The following PRKCA variants were observed in gnomAD, a reference collection of about 807,000 sequenced individuals.
PRKCA encodes protein kinase C alpha type.
PRKCA carries 27 observed loss-of-function variants against 87.0 expected under a neutral mutation model. The observed-to-expected ratio is 0.31, with a 90% CI of 0.23 to 0.43. The LOEUF is 0.43. Among genes scored for constraint, PRKCA ranks in the 20% least tolerant of loss-of-function variants. The pLI is 1.00. For missense variants in PRKCA, 518 were observed against 852.3 expected (o/e 0.61, Z 4.88); for synonymous variants, 329 against 311.1 (o/e 1.06, Z -0.61).
intron 3 of PRKCA, among the ~76,000 whole-genome samples, chr17:66,571,543 T>C (rs905012768): frequency 1.3e-5 from 2 of 152,178 alleles, no homozygotes; most frequent in African/African-American, 2.4e-5. Flanking sequence ...GTCAAATTAA[T>C]TGGTCAGAAG....
intron 3 of PRKCA, among the ~76,000 whole-genome samples, chr17:66,626,799 G>A (rs768540472): frequency 1.3e-5 from 2 of 152,264 alleles, no homozygotes; most frequent in Non-Finnish European, 2.9e-5. Flanking sequence ...GAGCCATCGC[G>A]CCCTGCCATT....
chr17:66,407,886 A>T (rs1056423282), intron 2 of PRKCA, among the ~76,000 whole-genome samples: 1 of 152,228 alleles, frequency 6.6e-6, no homozygotes, highest in African/African-American at 2.4e-5. Context: ...TAACATAGGT[A>T]TAGATTTTTA....
intron 3 of PRKCA, among the ~76,000 whole-genome samples, chr17:66,526,817 A>G (rs1164650919): frequency 6.6e-6 from 1 of 152,222 alleles, no homozygotes; most frequent in African/African-American, 2.4e-5. Flanking sequence ...ACTCCTAAGA[A>G]GAGCCAAGAC....
chr17:66,487,779 T>G (rs989062391), intron 2 of PRKCA, among the ~76,000 whole-genome samples: 2 of 152,302 alleles, frequency 1.3e-5, no homozygotes, highest in South Asian at 2.1e-4. Flanking sequence ...GTGATGAACA[T>G]TTTTTCTCCT....
At chr17:66,714,895 G>C (rs1305860928) in intron 8 of PRKCA, among the ~76,000 whole-genome samples, 8 of 152,198 alleles carry the variant, frequency 5.3e-5, no homozygotes, top group Non-Finnish European at 1.2e-4. Context: ...CTTGGAAGCA[G>C]GTGTCCCATT....
intron 14 of PRKCA, among the ~76,000 whole-genome samples, chr17:66,783,108 C>T (rs1975280957): frequency 6.6e-6 from 1 of 152,182 alleles, no homozygotes; most frequent in Non-Finnish European, 1.5e-5. Flanking sequence ...CATGTGGTGA[C>T]AGAGAATCCC....
intron 3 of PRKCA, among the ~76,000 whole-genome samples, chr17:66,527,993 T>TTCGAGA (rs1421874038): frequency 6.6e-6 from 1 of 151,456 alleles, no homozygotes; most frequent in East Asian, 1.9e-4. Context: ...AGGTCTGGAG[T>TTCGAGA]TCGAGACTAG....
intron 14 of PRKCA, 155 bp downstream of exon 14, chr17:66,774,222 C>A: frequency 6.7e-7 from 1 of 1,498,584 alleles, no homozygotes; most frequent in Non-Finnish European, 8.9e-7. Context: ...ACGCCCCCTT[C>A]AAAGTGGATC....
intron 3 of PRKCA, among the ~76,000 whole-genome samples, chr17:66,508,178 C>A (rs188141598): frequency 5.2e-4 from 79 of 152,282 alleles, no homozygotes; most frequent in Non-Finnish European, 2.1e-4. Flanking sequence ...GGATCCAGCA[C>A]CCTCAAACGT....
intron 13 of PRKCA, 33 bp downstream of exon 13, chr17:66,742,793 G>T: frequency 6.2e-7 from 1 of 1,608,660 alleles, no homozygotes; most frequent in Non-Finnish European, 8.5e-7. Flanking sequence ...TCTCAACCAG[G>T]ACTCCCAAAC....
rs1972646627 is a variant in PRKCA, at chr17:66,687,006, A to G, written c.530-105A>G. On this transcript the variant is annotated intron_variant, in intron 5 of 16. Coordinates refer to ENST00000413366, the MANE Select transcript of PRKCA (RefSeq NM_002737.3). ...TGGCTTCCACCATCTGTCTCCTTAAACGCCATTCTGACGTCTCTTTTATTC... is the reference window on the plus strand; with the variant it reads ...TGGCTTCCACCATCTGTCTCCTTAAGCGCCATTCTGACGTCTCTTTTATTC... 1.0e-5 allele frequency: 11 copies of G among 1,063,218 alleles called. No homozygotes were observed. The South Asian group carries it at 1.7e-4, about 16-fold the overall frequency. The allele number at this position is 1,063,218 out of a possible 1,614,324, so 65.9% of individuals were successfully genotyped here.
chr17:66,396,957 CTTTTT>C (rs35135551), intron 2 of PRKCA, among the ~76,000 whole-genome samples: 163 of 52,110 alleles, frequency 3.1e-3, no homozygotes, highest in Non-Finnish European at 4.7e-3. Context: ...ACAATCAAGA[CTTTTT>C]TTTTTTTTTT....
At chr17:66,711,446 G>T (rs1325759422) in intron 8 of PRKCA, among the ~76,000 whole-genome samples, 1 of 151,910 alleles carries the variant, frequency 6.6e-6, no homozygotes, top group Non-Finnish European at 1.5e-5. Context: ...CAACTCAATC[G>T]TTGCAATCTA....
At chr17:66,614,240 AT>A (rs1218984047) in intron 3 of PRKCA, among the ~76,000 whole-genome samples, 2 of 152,206 alleles carry the variant, frequency 1.3e-5, no homozygotes, top group African/African-American at 4.8e-5. Flanking sequence ...TTTGAGGTAC[AT>A]TTTTAATGAT....
At chr17:66,775,531 T>C in intron 14 of PRKCA, 7 of 985,394 alleles carry the variant, frequency 7.1e-6, no homozygotes, top group Non-Finnish European at 8.4e-6. Context: ...CTCTGCCTTA[T>C]ACTAAACATG....
At chr17:66,589,484 A>G (rs75982423) in intron 3 of PRKCA, among the ~76,000 whole-genome samples, 4,092 of 152,262 alleles carry the variant, frequency 0.027, 197 homozygotes, top group African/African-American at 0.093. Flanking sequence ...ATTTTAAAAC[A>G]TCTTTTTTGT....
intron 2 of PRKCA, among the ~76,000 whole-genome samples, chr17:66,378,729 G>A (rs947492283): frequency 2.6e-5 from 4 of 151,678 alleles, no homozygotes; most frequent in African/African-American, 4.8e-5. Context: ...TGTGAAACCC[G>A]GTCTCTACTA....
intron 8 of PRKCA, among the ~76,000 whole-genome samples, chr17:66,713,145 G>A (rs545311347): frequency 3.6e-5 from 5 of 140,162 alleles, no homozygotes; most frequent in East Asian, 2.2e-4. Flanking sequence ...TCCACCTCCC[G>A]GGTTCAAGCA....
chr17:66,450,751 C>G (rs1229755796), intron 2 of PRKCA, among the ~76,000 whole-genome samples: 1 of 151,658 alleles, frequency 6.6e-6, no homozygotes, highest in Non-Finnish European at 1.5e-5. Flanking sequence ...GGTACCAGCT[C>G]ATGCTGTTCT....
Sources: gnomAD v4.1 joint callset for allele counts (sites outside exome capture counted in the v4.1 genomes callset) on GRCh38, gnomAD v4.1.1 for gene constraint, MANE v1.5 for transcripts, NCBI Gene and HGNC (gene_info 2026-07-23, HGNC 2026-07-21) for gene names.